Variants in KATNAL1 observed in about 807,000 individuals in gnomAD.
KATNAL1 encodes katanin p60 ATPase-containing subunit A-like 1.
A neutral mutation model predicts 55.2 loss-of-function variants in KATNAL1; 32 were observed. That is an observed-to-expected ratio of 0.58 (90% confidence interval 0.44 to 0.78). The LOEUF (loss-of-function observed/expected upper bound fraction) is 0.78. Among genes scored for constraint, KATNAL1 ranks in the 30% least tolerant of loss-of-function variants. The pLI is 0.00. For synonymous variants in KATNAL1, 193 were observed against 193.6 expected (o/e 1.00, Z 0.02); for missense variants, 466 against 600.9 (o/e 0.78, Z 2.35).
intron 9 of KATNAL1, among the ~76,000 whole-genome samples, chr13:30,222,574 G>A (rs935057570): frequency 1.3e-5 from 2 of 152,144 alleles, no homozygotes; most frequent in Admixed American, 6.5e-5. Flanking sequence ...TGGCTGGCAC[G>A]ATGCATACTG....
intron 2 of KATNAL1, chr13:30,281,974 TA>T (rs1281281929): frequency 6.6e-6 from 1 of 152,116 alleles, no homozygotes; most frequent in Non-Finnish European, 1.5e-5. Context: ...CAATTTTGTT[TA>T]AACATCATTG....
intron 6 of KATNAL1, among the ~76,000 whole-genome samples, chr13:30,237,511 C>T (rs1876811097): frequency 1.3e-5 from 2 of 152,112 alleles, no homozygotes; most frequent in South Asian, 2.1e-4. Context: ...TTTCTAAGTA[C>T]AATTTTAAAT....
chr13:30,276,660 T>G (rs574604592), intron 3 of KATNAL1, among the ~76,000 whole-genome samples: 1 of 152,370 alleles, frequency 6.6e-6, no homozygotes, highest in African/African-American at 2.4e-5. Context: ...TTAAGCATTT[T>G]CAGTTTCTTT....
Position 30,233,677 on chromosome 13 carries a change from A to G in KATNAL1, c.727-2205T>C, listed in dbSNP as rs1876347623. 2.0e-5 allele frequency among the ~76,000 whole-genome samples: 3 copies of G among 152,228 alleles called. No homozygotes were observed. In the South Asian group the frequency reaches 6.2e-4, roughly 32 times the overall value. ...ATCACAGCACTATTCACAACAGCCA[A>G]AATACAAAATCAACCTAAGTGCCCA... is the stretch of plus-strand genomic sequence containing the variant. On this transcript the variant is annotated intron_variant, in intron 6 of 10. Coordinates refer to ENST00000380615, the MANE Select transcript of KATNAL1 (RefSeq NM_032116.5).
chr13:30,222,644 G>A (rs1874997138), intron 9 of KATNAL1, among the ~76,000 whole-genome samples: 1 of 151,842 alleles, frequency 6.6e-6, no homozygotes, highest in Admixed American at 6.6e-5. Flanking sequence ...ATCCAATAAT[G>A]GCATTAAAAT....
chr13:30,291,261 GTACAAAAATCAATC>G (rs1313194596), intron 1 of KATNAL1, among the ~76,000 whole-genome samples: 2 of 152,158 alleles, frequency 1.3e-5, no homozygotes, highest in Admixed American at 6.5e-5. Context: ...AGAGGTCAGT[GTACAAAAATCAATC>G]TTATTTCCAC....
Position 30,255,632 on chromosome 13 carries a change from AAAAAAAATT to A in KATNAL1, c.324-26_324-18del, listed in dbSNP as rs1333278798. On this transcript the variant is annotated intron_variant, in intron 3 of 10. Transcript: ENST00000380615. ...GGTGGAGCTCTGACAAAAAAAAAAA[AAAAAAAATT>A]AAAATTAAAATTAAAATTAATCAAA... 54 of 1,411,278 alleles carry A rather than the reference AAAAAAAATT, an allele frequency of 3.8e-5. No individual in the cohort carries two copies. Among genetic ancestry groups the A allele is most frequent in the Non-Finnish European group, 4.6e-5 (50 of 1,082,438 alleles). The allele number at this position is 1,411,278 out of a possible 1,614,324, so 87.4% of individuals were successfully genotyped here. A position where few individuals can be genotyped will look rare whatever the true frequency, so the allele number is the denominator to read the frequency against.
At chr13:30,250,337 CTGCTCAAGTCAT>C (rs1878180659) in intron 4 of KATNAL1, among the ~76,000 whole-genome samples, 2 of 152,212 alleles carry the variant, frequency 1.3e-5, no homozygotes, top group African/African-American at 4.8e-5. Flanking sequence ...TATTTGAAAA[CTGCTCAAGTCAT>C]TGATCAATGA....
chr13:30,220,503 T>C (rs534435259), intron 9 of KATNAL1, among the ~76,000 whole-genome samples: 25 of 151,762 alleles, frequency 1.6e-4, no homozygotes, highest in Non-Finnish European at 3.4e-4. Flanking sequence ...AGAAAAAGAA[T>C]GGGAAGAAAC....
Position 30,283,582 on chromosome 13 carries a change from T to C in KATNAL1, c.162+34A>G, listed in dbSNP as rs745610622. ...TCTCAAGTATAATAGGGTACTGCCA[T>C]CCTAACTCATCTAATACTTTAATAC... On this transcript the variant is annotated intron_variant, in intron 2 of 10. Transcript: ENST00000380615. 1.7e-5 allele frequency: 28 copies of C among 1,602,952 alleles called. 1 individual carries two copies. In the South Asian group the frequency reaches 3.0e-4, roughly 17 times the overall value.
At chr13:30,266,796 T>C (rs182578187) in intron 3 of KATNAL1, among the ~76,000 whole-genome samples, 35 of 152,306 alleles carry the variant, frequency 2.3e-4, no homozygotes, top group African/African-American at 7.7e-4. Context: ...ATCATCCAAC[T>C]TAACCAAGGT....
intron 7 of KATNAL1, 57 bp from the exon 8 acceptor site, chr13:30,230,651 T>C (rs968047819): frequency 1.5e-6 from 2 of 1,339,630 alleles, no homozygotes; most frequent in African/African-American, 1.5e-5. Flanking sequence ...AATTGGAGTA[T>C]TTAAAAAAAT....
intron 1 of KATNAL1, among the ~76,000 whole-genome samples, chr13:30,294,048 T>TG (rs1452990121): frequency 6.6e-6 from 1 of 152,218 alleles, no homozygotes; most frequent in Non-Finnish European, 1.5e-5. Flanking sequence ...ACCAATAGGC[T>TG]GTTGCCCTCT....
In KATNAL1 at chr13:30,289,954, C is replaced by A. The variant is rs567410549; in HGVS notation, c.-14-6163G>T. Among the ~76,000 whole-genome samples the A allele has an allele frequency of 4.6e-5, 7 of 152,300 alleles. No homozygotes were observed. The East Asian group carries it at 1.3e-3, about 29-fold the overall frequency. On this transcript the variant is annotated intron_variant, in intron 1 of 10. Coordinates refer to ENST00000380615, the MANE Select transcript of KATNAL1 (RefSeq NM_032116.5). ...GTTCCAATAAAACCTTATATGTGGA[C>A]AATGAAATCTGAATTTCATTTAATT...
chr13:30,274,907 G>GCGCGCGCGCGCGCGCGCGCACGCACA (rs869107567), intron 3 of KATNAL1, among the ~76,000 whole-genome samples: 2 of 105,390 alleles, frequency 1.9e-5, no homozygotes, highest in African/African-American at 4.1e-5. Flanking sequence ...GCGCGCGCGC[G>GCGCGCGCGCGCGCGCGCGCACGCACA]CACACACACA....
chr13:30,298,551 C>A (rs2137568232), intron 1 of KATNAL1, among the ~76,000 whole-genome samples: 1 of 152,132 alleles, frequency 6.6e-6, no homozygotes, highest in East Asian at 1.9e-4. Flanking sequence ...AGAATTAATA[C>A]AACATAAAGC....
intron 3 of KATNAL1, among the ~76,000 whole-genome samples, chr13:30,263,337 C>T (rs1437444712): frequency 6.6e-6 from 1 of 151,936 alleles, no homozygotes; most frequent in Non-Finnish European, 1.5e-5. Context: ...TCTCACCACT[C>T]CTATTCAACA....
At chr13:30,247,046 G>C (rs940348023) in intron 4 of KATNAL1, among the ~76,000 whole-genome samples, 1 of 152,056 alleles carries the variant, frequency 6.6e-6, no homozygotes, top group Non-Finnish European at 1.5e-5. Context: ...TATGAGGTAG[G>C]TACTCTTATT....
chr13:30,294,546 G>C (rs1417516831), intron 1 of KATNAL1, among the ~76,000 whole-genome samples: 3 of 152,234 alleles, frequency 2.0e-5, no homozygotes, highest in Non-Finnish European at 4.4e-5. Flanking sequence ...TTTAAGGAAA[G>C]AAGCCTTTTC....
Sources: allele counts gnomAD v4.1 joint callset (sites outside exome capture counted in the v4.1 genomes callset), GRCh38; gene constraint gnomAD v4.1.1; transcripts MANE v1.5; gene names NCBI Gene and HGNC (gene_info 2026-07-23, HGNC 2026-07-21).